Variants in METTL2B observed in about 807,000 individuals in gnomAD.
The protein encoded by METTL2B is methyltransferase 2B, tRNA N3-cytidine.
Under a neutral mutation model 51.0 loss-of-function variants are expected in METTL2B, and 28 were observed. That is an observed-to-expected ratio of 0.55 (90% confidence interval 0.41 to 0.75). The LOEUF is 0.75. Ranked by LOEUF, METTL2B falls within the 30% of genes least tolerant of loss-of-function variation. The pLI, the probability that METTL2B is intolerant of heterozygous loss-of-function variation, is 0.00. For synonymous variants in METTL2B, 128 were observed against 166.3 expected, an observed-to-expected ratio of 0.77 and a Z score of 1.77; for missense variants, 313 against 460.7, an observed-to-expected ratio of 0.68 and a Z score of 2.93.
In METTL2B at chr7:128,500,903, G is replaced by T. The variant is rs1229469212; in HGVS notation, c.917G>T (p.Gly306Val). The part of the protein sequence containing the change: ...YDMAQLRFKK[G>V]QCLSGNFYVR... The stretch of plus-strand genomic sequence containing the variant: ...TGATTTTTAATACATCACTCTGCAG[G>T]TCAGTGTCTATCTGGAAATTTCTAT... Residue 306 changes from glycine (G) to valine (V), a missense_variant and splice_region_variant, in exon 8 of 9, where the codon GGT becomes GTT. Gly to Val is a moderately radical substitution (Grantham distance 109). This residue lies in a region of METTL2B where 138 missense variants were observed against 187.6 expected (regional missense o/e 0.74). Transcript: ENST00000262432. The T allele has an allele frequency of 1.9e-6, 3 of 1,614,074 alleles. No homozygotes were observed. Among genetic ancestry groups the T allele is most frequent in the Admixed American group, 3.3e-5 (2 of 59,998 alleles).
At chr7:128,488,684 T>G in intron 5 of METTL2B, 1 of 352,916 alleles carries the variant, frequency 2.8e-6, no homozygotes, top group Non-Finnish European at 5.7e-6. Context: ...CACTTCATAC[T>G]CTACAGTGTC....
chr7:128,479,419 C>A lies in METTL2B; in HGVS notation c.464C>A (p.Pro155His), dbSNP rs71376910. 1 of 1,614,100 alleles carries A rather than the reference C, an allele frequency of 6.2e-7. No individual in the cohort carries two copies. ...SKSLEHKTQT[P>H]PVEENVTQKI... is the part of the protein sequence containing the mutation. ...AGCCTTGAACATAAAACACAGACAC[C>A]TCCTGTGGAGGAGAATGTAACTCAG... is the stretch of plus-strand genomic sequence containing the variant. The change falls in exon 3 of 9, where the codon CCT becomes CAT. Residue 155 changes from proline to histidine, a missense_variant. By Grantham distance (77) the Pro-to-His change is moderately conservative (BLOSUM62 -2). Transcript: ENST00000262432.
In METTL2B at chr7:128,501,764, G is replaced by A; in HGVS notation, c.985G>A (p.Glu329Lys). 1 of 1,614,034 alleles carries A rather than the reference G, an allele frequency of 6.2e-7. No homozygotes were observed. Among genetic ancestry groups the A allele is most frequent in the Non-Finnish European group, 8.5e-7 (1 of 1,180,012 alleles). Reference protein sequence around the residue: ...GTRVYFFTQEELDTLFTTAGL... With the variant: ...GTRVYFFTQEKLDTLFTTAGL... ...ACATCTTTTATTTTCCACACTAGAG[G>A]AACTGGACACGCTTTTCACCACTGC... The change falls in exon 9 of 9, where the codon GAA becomes AAA. Residue 329 changes from glutamate (E) to lysine (K), a missense_variant and splice_region_variant. By Grantham distance (56) the Glu-to-Lys change is moderately conservative. This residue lies in a region of METTL2B where 138 missense variants were observed against 187.6 expected (regional missense o/e 0.74). Coordinates refer to ENST00000262432, the MANE Select transcript of METTL2B (RefSeq NM_018396.3).
At chr7:128,489,699 G>T (rs1584793373) in intron 5 of METTL2B, among the ~76,000 whole-genome samples, 1 of 143,892 alleles carries the variant, frequency 6.9e-6, no homozygotes, top group Non-Finnish European at 1.5e-5. Flanking sequence ...CGGGATCTCG[G>T]CTCACTGCAA....
At chr7:128,500,212 C>G (rs1018333115) in intron 7 of METTL2B, among the ~76,000 whole-genome samples, 2 of 152,136 alleles carry the variant, frequency 1.3e-5, no homozygotes, top group African/African-American at 4.8e-5. Context: ...AAAACAGTAT[C>G]TGAGTTGTAT....
At position 128,493,829 on chromosome 7, in the gene METTL2B, G is replaced by A. The variant is rs201069711; in HGVS notation, c.695G>A (p.Arg232Gln). 111 of 1,609,590 alleles carry A rather than the reference G, an allele frequency of 6.9e-5. No individual in the cohort carries two copies. Among genetic ancestry groups the A allele is most frequent in the South Asian group, 1.3e-4 (12 of 90,506 alleles). Residue 232 changes from arginine to glutamine, a missense_variant, in exon 6 of 9, where the codon CGG becomes CAG. Arg to Gln is a conservative substitution (Grantham distance 43). Coordinates refer to ENST00000262432, the MANE Select transcript of METTL2B (RefSeq NM_018396.3). ...ACAAATTCAGAATATGATCCTTCTC[G>A]GTGTTTTGCCTTTGTTCACGACCTG... ...VQTNSEYDPS[R>Q]CFAFVHDLCD...
chr7:128,482,610 T>C (rs931265150), intron 4 of METTL2B, among the ~76,000 whole-genome samples: 3 of 152,220 alleles, frequency 2.0e-5, no homozygotes, highest in African/African-American at 7.2e-5. Flanking sequence ...CTTGGCTCAC[T>C]GCAACCTCTG....
intron 5 of METTL2B, among the ~76,000 whole-genome samples, chr7:128,491,154 CAAAAAAAA>C (rs56007742): frequency 1.4e-3 from 146 of 103,390 alleles, no homozygotes; most frequent in African/African-American, 5.3e-3. Context: ...GACTCCATCT[CAAAAAAAA>C]AAAAAAAAAA....
Position 128,502,607 on chromosome 7 carries a change from A to T in METTL2B, c.*691A>T. 1 of 454,108 alleles carries T rather than the reference A, an allele frequency of 2.2e-6. No homozygotes were observed. The highest frequency in any genetic ancestry group is 1.6e-5 in the South Asian group (1 of 64,460). The allele number at this position is 454,108 out of a possible 1,614,324, so 28.1% of individuals were successfully genotyped here. A position where few individuals can be genotyped will look rare whatever the true frequency, so the allele number is the denominator to read the frequency against. Reference sequence around the variant, plus strand: ...GTAATTGATCGTGGTCTTTGCTTTAATCTTAGTTCCGCCAGGCACGGTGGC... The same window carrying T: ...GTAATTGATCGTGGTCTTTGCTTTATTCTTAGTTCCGCCAGGCACGGTGGC... On this transcript the variant is annotated 3_prime_UTR_variant, in exon 9 of 9. Coordinates refer to ENST00000262432, the MANE Select transcript of METTL2B (RefSeq NM_018396.3).
At chr7:128,498,348 G>A (rs967182736) in intron 7 of METTL2B, among the ~76,000 whole-genome samples, 1 of 150,388 alleles carries the variant, frequency 6.6e-6, no homozygotes, top group Non-Finnish European at 1.5e-5. Flanking sequence ...GTCTGGAGGT[G>A]GGGGGGCTGG....
Position 128,480,645 on chromosome 7 carries a change from A to C in METTL2B, c.559-2A>C. On this transcript the variant is annotated splice_acceptor_variant, in intron 3 of 8. Coordinates refer to ENST00000262432, the MANE Select transcript of METTL2B (RefSeq NM_018396.3). LOFTEE classifies it high-confidence loss of function. ...TGATTAATAGTTCATTTCTGTCTGC[A>C]GGTTGGCTGTGGTGTGGGAAACACA... 6.2e-7 allele frequency: 1 copy of C among 1,602,982 alleles called. No homozygotes were observed. Among genetic ancestry groups the C allele is most frequent in the Admixed American group, 1.8e-5 (1 of 56,254 alleles).
Position 128,476,788 on chromosome 7 carries a change from G to A in METTL2B, c.23G>A (p.Gly8Asp). 3 of 1,614,146 alleles carry A rather than the reference G, an allele frequency of 1.9e-6. No homozygotes were observed. Among genetic ancestry groups the A allele is most frequent in the Non-Finnish European group, 2.5e-6 (3 of 1,180,020 alleles). Residue 8 changes from glycine (G) to aspartate (D), a missense_variant, in exon 1 of 9, where the codon GGT becomes GAT. Gly to Asp is a moderately conservative substitution (Grantham distance 94). Around this residue, in one of 4 missense-constraint regions of METTL2B, gnomAD observed 66 missense variants for 58.2 expected, o/e 1.13. Transcript: ENST00000262432. The stretch of plus-strand genomic sequence containing the variant: ...GTCATGGCCGGCTCCTACCCTGAAG[G>A]TGCACCTGCAATCCTCGCCGATAAG... Reference protein sequence around the residue: MAGSYPEGAPAILADKRQ... With the variant: MAGSYPEDAPAILADKRQ...
chr7:128,487,703 T>G (rs942915009), intron 4 of METTL2B, among the ~76,000 whole-genome samples: 3 of 152,208 alleles, frequency 2.0e-5, no homozygotes, highest in Non-Finnish European at 4.4e-5. Flanking sequence ...ACTCACTCAC[T>G]ATGTGGTGGG....
intron 6 of METTL2B, among the ~76,000 whole-genome samples, chr7:128,495,043 C>A (rs1434273929): frequency 6.7e-6 from 1 of 148,154 alleles, no homozygotes; most frequent in African/African-American, 2.5e-5. Flanking sequence ...GCCTCCCAAG[C>A]AGCTGGGATT....
intron 5 of METTL2B, among the ~76,000 whole-genome samples, chr7:128,492,988 T>C (rs1055172566): frequency 2.0e-5 from 3 of 151,990 alleles, no homozygotes; most frequent in Admixed American, 6.6e-5. Context: ...TTCATGATCG[T>C]TTTCCAATTC....
At chr7:128,498,942 A>G (rs1792975503) in intron 7 of METTL2B, among the ~76,000 whole-genome samples, 1 of 151,658 alleles carries the variant, frequency 6.6e-6, no homozygotes, top group African/African-American at 2.4e-5. Context: ...GCTTGCAGTG[A>G]GCCGAGATCG....
chr7:128,479,399 T>C lies in METTL2B; in HGVS notation c.444T>C (p.Leu148=), dbSNP rs762858356. ...EEQHKCSSKS[L]EHKTQTPPVE... ...AGCACAAGTGTTCTTCGAAGAGCCTTGAACATAAAACACAGACACCTCCTG... is the reference window on the plus strand; with the variant it reads ...AGCACAAGTGTTCTTCGAAGAGCCTCGAACATAAAACACAGACACCTCCTG... The change falls in exon 3 of 9, where the codon CTT becomes CTC. Residue 148 remains leucine (L), a synonymous_variant. Coordinates refer to ENST00000262432, the MANE Select transcript of METTL2B (RefSeq NM_018396.3). The C allele has an allele frequency of 4.2e-5, 67 of 1,614,144 alleles. No homozygotes were observed. The highest frequency in any genetic ancestry group is 1.3e-4 in the East Asian group (6 of 44,900).
Position 128,501,937 on chromosome 7 carries a change from G to A in METTL2B, c.*21G>A, listed in dbSNP as rs1268884418. On this transcript the variant is annotated 3_prime_UTR_variant, in exon 9 of 9. Coordinates refer to ENST00000262432, the MANE Select transcript of METTL2B (RefSeq NM_018396.3). ...GCTAAGAGGCACCTGCTGCCAACAC[G>A]ATGCAAGCCCGTTGTGTTTCCGAGC... The A allele has an allele frequency of 9.9e-6, 16 of 1,612,316 alleles. No individual in the cohort carries two copies. The African/African-American group carries it at 1.1e-4, about 11-fold the overall frequency.
At chr7:128,484,217 C>CTTTTTTTTTTGTTGTTTTGTTTTTTTT (rs1563027608) in intron 4 of METTL2B, 1 of 42,414 alleles carries the variant, frequency 2.4e-5, no homozygotes, top group Admixed American at 2.9e-4. Context: ...TGCCTAGATC[C>CTTTTTTTTTTGTTGTTTTGTTTTTTTT]TTTTTTTTTT....
Sources: allele counts gnomAD v4.1 joint callset (sites outside exome capture counted in the v4.1 genomes callset), GRCh38; gene constraint gnomAD v4.1.1; regional missense constraint gnomAD v4.1.1; transcripts MANE v1.5; gene names NCBI Gene and HGNC (gene_info 2026-07-23, HGNC 2026-07-21).